Variants in ECE1 observed in about 807,000 individuals in gnomAD.
The protein encoded by ECE1 is endothelin-converting enzyme 1.
A neutral mutation model predicts 98.6 loss-of-function variants in ECE1; 35 were observed. The observed-to-expected ratio is 0.35, with a 90% confidence interval of 0.27 to 0.47. The LOEUF (loss-of-function observed/expected upper bound fraction) is 0.47, where lower values mean the gene tolerates loss of function less well. Among genes scored for constraint, ECE1 ranks in the 20% least tolerant of loss-of-function variants. ECE1 has a pLI of 1.00. For synonymous variants in ECE1, 394 were observed against 407.1 expected (o/e 0.97, Z 0.39); for missense variants, 814 against 1,025.3 (o/e 0.79, Z 2.81).
chr1:21,303,967 A>G (rs1290604920), intron 1 of ECE1, among the ~76,000 whole-genome samples: 2 of 151,494 alleles, frequency 1.3e-5, no homozygotes, highest in African/African-American at 2.4e-5. Context: ...AGTTTTTGAA[A>G]TGTAACACTT....
intron 14 of ECE1, among the ~76,000 whole-genome samples, chr1:21,229,876 G>T (rs2098179533): frequency 6.6e-6 from 1 of 152,142 alleles, no homozygotes; most frequent in Non-Finnish European, 1.5e-5. Flanking sequence ...AACAGAGTAT[G>T]AAAGTTCATG....
upstream of ECE1, chr1:21,293,901 T>C (rs1432634373): frequency 1.3e-5 from 2 of 152,550 alleles, no homozygotes; most frequent in African/African-American, 4.8e-5. Context: ...AAACCAACCA[T>C]GCCACTTGAC....
intron 1 of ECE1, among the ~76,000 whole-genome samples, chr1:21,333,586 T>C (rs1046378936): frequency 6.6e-6 from 1 of 152,066 alleles, no homozygotes; most frequent in African/African-American, 2.4e-5. Context: ...AATCCCAACT[T>C]CTTTGGGAGG....
Position 21,233,367 on chromosome 1 carries a change from G to C in ECE1, c.1670+191C>G. 1.8e-6 allele frequency: 1 copy of C among 561,314 alleles called. No homozygotes were observed. Among genetic ancestry groups the C allele is most frequent in the Non-Finnish European group, 3.2e-6 (1 of 314,078 alleles). The allele number at this position is 561,314 out of a possible 1,614,324, so 34.8% of individuals were successfully genotyped here. A position where few individuals can be genotyped will look rare whatever the true frequency, so the allele number is the denominator to read the frequency against. On this transcript the variant is annotated intron_variant, in intron 14 of 18. Coordinates refer to ENST00000374893, the MANE Select transcript of ECE1 (RefSeq NM_001397.3). This position sits in a 1 kb window ranked among gnomAD's most constrained non-coding sequence, Gnocchi z 4.0. ...AGGCTCAAGCCCATCCCAGCTCCTA[G>C]CTGGGCCATACTTCTTTTGCCCTTG...
chr1:21,259,386 T>C (rs994145544), intron 5 of ECE1, among the ~76,000 whole-genome samples: 1 of 152,076 alleles, frequency 6.6e-6, no homozygotes, highest in African/African-American at 2.4e-5. Flanking sequence ...TCTCACCTCA[T>C]CCTCCTAAGT....
intron 1 of ECE1, among the ~76,000 whole-genome samples, chr1:21,313,579 G>T (rs1430109268): frequency 6.6e-6 from 1 of 152,154 alleles, no homozygotes; most frequent in East Asian, 1.9e-4. Flanking sequence ...GGAGCAGGGG[G>T]CTGAGCACCA....
intron 1 of ECE1, among the ~76,000 whole-genome samples, chr1:21,328,764 GAAAAAAAAAAAA>G (rs35883969): frequency 1.8e-4 from 9 of 50,226 alleles, no homozygotes; most frequent in African/African-American, 6.9e-4. Flanking sequence ...CCTCCATCTC[GAAAAAAAAAAAA>G]AAAAAAAAAA....
At chr1:21,246,646 T>G (rs1214242449) in intron 9 of ECE1, among the ~76,000 whole-genome samples, 1 of 152,156 alleles carries the variant, frequency 6.6e-6, no homozygotes, top group Non-Finnish European at 1.5e-5. Flanking sequence ...ACAACAGCCC[T>G]AAATGGTAGG....
chr1:21,325,344 C>T (rs776568452), intron 1 of ECE1, among the ~76,000 whole-genome samples: 2 of 152,202 alleles, frequency 1.3e-5, no homozygotes, highest in Non-Finnish European at 2.9e-5. Flanking sequence ...TGAGAAGTAA[C>T]GTCACAATTA....
In ECE1 at chr1:21,225,699, T is replaced by TC. The variant is rs1463239577; in HGVS notation, c.1850-260_1850-259insG. Among the ~76,000 whole-genome samples the TC allele has an allele frequency of 6.7e-6, 1 of 149,690 alleles. No homozygotes were observed. Among genetic ancestry groups the TC allele is most frequent in the African/African-American group, 2.4e-5 (1 of 40,952 alleles). ...GGGGCTTGCTTTGTTTTCTTTCTTT[T>TC]TTTTTTTTTTTTGAGACAGTCTCAC... On this transcript the variant is annotated intron_variant, in intron 16 of 18. Coordinates refer to ENST00000374893, the MANE Select transcript of ECE1 (RefSeq NM_001397.3). The surrounding 1 kb of genome is among the most constrained non-coding windows in gnomAD (Gnocchi z 5.3).
At chr1:21,309,861 G>A (rs1232999692) in intron 1 of ECE1, among the ~76,000 whole-genome samples, 3 of 148,026 alleles carry the variant, frequency 2.0e-5, no homozygotes, top group East Asian at 2.0e-4. Context: ...GCGCGATCTC[G>A]GCTCACTGCA....
At chr1:21,299,446 G>T (rs1382564967) in intron 1 of ECE1, 1 of 153,172 alleles carries the variant, frequency 6.5e-6, no homozygotes, top group Non-Finnish European at 1.5e-5. Context: ...ACAGAGCCAG[G>T]GTTCCCTCTT....
chr1:21,281,563 G>A (rs529460285), intron 2 of ECE1, among the ~76,000 whole-genome samples: 2 of 152,326 alleles, frequency 1.3e-5, no homozygotes, highest in East Asian at 3.9e-4. Flanking sequence ...GGACTGCCTT[G>A]CCTAGGGACA....
intron 1 of ECE1, among the ~76,000 whole-genome samples, chr1:21,326,227 T>G (rs1373849926): frequency 3.6e-4 from 44 of 120,810 alleles, no homozygotes; most frequent in East Asian, 4.7e-4. Context: ...CGGGGGAGGG[T>G]GGGGAGGTAC....
intron 8 of ECE1, 88 bp from the exon 9 acceptor site, chr1:21,247,451 G>C: frequency 6.2e-7 from 1 of 1,601,550 alleles, no homozygotes; most frequent in Non-Finnish European, 8.5e-7. Flanking sequence ...GGAAGCAAAG[G>C]AAAGAGCTTG....
chr1:21,261,926 G>T (rs2098227480), intron 4 of ECE1, among the ~76,000 whole-genome samples: 1 of 152,220 alleles, frequency 6.6e-6, no homozygotes, highest in South Asian at 2.1e-4. Context: ...AGGGCAGGCG[G>T]ACTGCTTGGA....
intron 1 of ECE1, among the ~76,000 whole-genome samples, chr1:21,304,287 G>A (rs1638548627): frequency 7.8e-6 from 1 of 128,368 alleles, no homozygotes; most frequent in Non-Finnish European, 1.5e-5. Context: ...CGGCACTCCA[G>A]CCTGGGCAAC....
intron 1 of ECE1, among the ~76,000 whole-genome samples, chr1:21,329,330 G>A (rs866386689): frequency 2.6e-5 from 4 of 152,196 alleles, no homozygotes; most frequent in Non-Finnish European, 5.9e-5. Flanking sequence ...TGCTACCGCC[G>A]ACTTGCAATT....
At chr1:21,251,563 G>C (rs1009096011) in intron 8 of ECE1, among the ~76,000 whole-genome samples, 5 of 152,164 alleles carry the variant, frequency 3.3e-5, no homozygotes, top group Admixed American at 2.0e-4. Flanking sequence ...TCAGTTTCTG[G>C]GTAACTCTTC....
Sources: allele counts gnomAD v4.1 joint callset (sites outside exome capture counted in the v4.1 genomes callset), GRCh38; gene constraint gnomAD v4.1.1; non-coding constraint Gnocchi (gnomAD v3.1); transcripts MANE v1.5; gene names NCBI Gene and HGNC (gene_info 2026-07-23, HGNC 2026-07-21).